The following SUMO4 variants were observed in gnomAD, a reference collection of about 807,000 sequenced individuals.
SUMO4 encodes small ubiquitin like modifier 4, also known as small ubiquitin-related modifier 4.
In SUMO4, 6 loss-of-function variants were observed where a neutral mutation model predicts 7.7. The ratio of observed to expected loss-of-function variants is 0.78; its 90% CI spans 0.43 to 1.53. The LOEUF (loss-of-function observed/expected upper bound fraction) is 1.53. SUMO4 is among the 40% of genes most tolerant of loss of function. The pLI, the probability that SUMO4 is intolerant of heterozygous loss-of-function variation, is 0.01. For synonymous variants in SUMO4, 43 were observed against 41.2 expected (o/e 1.04, Z -0.17); for missense variants, 113 against 113.6 (o/e 0.99, Z 0.03).
At position 149,401,014 on chromosome 6, in the gene SUMO4, T is replaced by G. The variant is rs533443687; in HGVS notation, c.*335T>G. On this transcript the variant is annotated 3_prime_UTR_variant, in exon 1 of 1. Transcript: ENST00000326669. ...TCATTCAGGTCTTATCTTTATATTC[T>G]AGTAAGTTATTTTGCTCTCACTGTT... 4.3e-6 allele frequency: 1 copy of G among 231,864 alleles called. No homozygotes were observed. Among genetic ancestry groups the G allele is most frequent in the South Asian group, 1.3e-4 (1 of 7,450 alleles). 14.4% of individuals were successfully genotyped at this position (231,864 alleles called of 1,614,324 possible).
Position 149,400,634 on chromosome 6 carries a change from A to G in SUMO4, c.243A>G (p.Glu81=). ...DKPAQLEMED[E]DTIDVFQQPT... The stretch of plus-strand genomic sequence containing the variant: ...CTGCACAGTTGGAAATGGAAGATGA[A>G]GATACAATTGATGTGTTTCAACAGC... The change falls in exon 1 of 1, where the codon GAA becomes GAG. Residue 81 remains glutamate, a synonymous_variant. Coordinates refer to ENST00000326669, the MANE Select transcript of SUMO4 (RefSeq NM_001002255.2). 1 of 1,614,250 alleles carries G rather than the reference A, an allele frequency of 6.2e-7. No individual in the cohort carries two copies. Among genetic ancestry groups the G allele is most frequent in the African/African-American group, 1.3e-5 (1 of 75,074 alleles).
Position 149,400,468 on chromosome 6 carries a change from A to G in SUMO4, c.77A>G (p.Asp26Gly). The change falls in exon 1 of 1, where the codon GAT becomes GGT. Residue 26 changes from aspartate to glycine, a missense_variant. Asp to Gly is a moderately conservative substitution (Grantham distance 94). Coordinates refer to ENST00000326669, the MANE Select transcript of SUMO4 (RefSeq NM_001002255.2). ...ATTAATTTGAAGGTGGCGGGACAGG[A>G]TGGTTCTGTGGTGCAGTTTAAGATT... ...NHINLKVAGQDGSVVQFKIKR... is the reference protein window; with the variant it reads ...NHINLKVAGQGGSVVQFKIKR... 1 of 1,614,246 alleles carries G rather than the reference A, an allele frequency of 6.2e-7. No individual in the cohort carries two copies. The highest frequency in any genetic ancestry group is 8.5e-7 in the Non-Finnish European group (1 of 1,180,046).
In SUMO4 at chr6:149,400,477, T is replaced by TG. The variant is rs765209229; in HGVS notation, c.88dup (p.Val30GlyfsTer4). On this transcript the variant is annotated frameshift_variant, in exon 1 of 1. Transcript: ENST00000326669. LOFTEE classifies it high-confidence loss of function. ...AAGGTGGCGGGACAGGATGGTTCTG[T>TG]GGTGCAGTTTAAGATTAAGAGGCAG... 2.5e-6 allele frequency: 4 copies of TG among 1,614,216 alleles called. No homozygotes were observed. The South Asian group carries it at 4.4e-5, about 18-fold the overall frequency.
At position 149,400,471 on chromosome 6, in the gene SUMO4, G is replaced by C; in HGVS notation, c.80G>C (p.Gly27Ala). Residue 27 changes from glycine to alanine, a missense_variant, in exon 1 of 1, where the codon GGT (glycine) becomes GCT (alanine). By Grantham distance (60) the Gly-to-Ala change is moderately conservative. Transcript: ENST00000326669. Reference sequence around the variant, plus strand: ...AATTTGAAGGTGGCGGGACAGGATGGTTCTGTGGTGCAGTTTAAGATTAAG... The same window carrying C: ...AATTTGAAGGTGGCGGGACAGGATGCTTCTGTGGTGCAGTTTAAGATTAAG... ...HINLKVAGQD[G>A]SVVQFKIKRQ... 1 of 1,614,240 alleles carries C rather than the reference G, an allele frequency of 6.2e-7. No homozygotes were observed. Among genetic ancestry groups the C allele is most frequent in the East Asian group, 2.2e-5 (1 of 44,886 alleles).
At position 149,400,765 on chromosome 6, in the gene SUMO4, T is replaced by C; in HGVS notation, c.*86T>C. The stretch of plus-strand genomic sequence containing the variant: ...CTCAATTAGAAAACTGCAATTTGGT[T>C]CCACCACATTCTGACTACTACAGTA... On this transcript the variant is annotated 3_prime_UTR_variant, in exon 1 of 1. Coordinates refer to ENST00000326669, the MANE Select transcript of SUMO4 (RefSeq NM_001002255.2). 3 of 1,417,590 alleles carry C rather than the reference T, an allele frequency of 2.1e-6. No individual in the cohort carries two copies. Among genetic ancestry groups the C allele is most frequent in the Non-Finnish European group, 2.9e-6 (3 of 1,032,932 alleles). 87.8% of individuals were successfully genotyped at this position (1,417,590 alleles called of 1,614,324 possible).
rs1583161653 is a variant in SUMO4, at chr6:149,400,766, C to G, written c.*87C>G. ...TCAATTAGAAAACTGCAATTTGGTT[C>G]CACCACATTCTGACTACTACAGTAT... On this transcript the variant is annotated 3_prime_UTR_variant, in exon 1 of 1. Transcript: ENST00000326669. The G allele has an allele frequency of 1.4e-6, 2 of 1,412,524 alleles. No individual in the cohort carries two copies. The highest frequency in any genetic ancestry group is 2.3e-5 in the East Asian group (1 of 43,948). The allele number at this position is 1,412,524 out of a possible 1,614,324, so 87.5% of individuals were successfully genotyped here.
At position 149,400,654 on chromosome 6, in the gene SUMO4, A is replaced by G. The variant is rs1782351660; in HGVS notation, c.263A>G (p.Gln88Arg). Residue 88 changes from glutamine (Q) to arginine (R), a missense_variant, in exon 1 of 1, where the codon CAA becomes CGA. By Grantham distance (43) the Gln-to-Arg change is conservative. Coordinates refer to ENST00000326669, the MANE Select transcript of SUMO4 (RefSeq NM_001002255.2). Reference sequence around the variant, plus strand: ...GATGAAGATACAATTGATGTGTTTCAACAGCCTACGGGAGGTGTCTACTGA... The same window carrying G: ...GATGAAGATACAATTGATGTGTTTCGACAGCCTACGGGAGGTGTCTACTGA... ...MEDEDTIDVF[Q>R]QPTGGVY The G allele has an allele frequency of 6.2e-7, 1 of 1,614,210 alleles. No individual in the cohort carries two copies. Among genetic ancestry groups the G allele is most frequent in the East Asian group, 2.2e-5 (1 of 44,892 alleles).
rs1562454592 is a variant in SUMO4, at chr6:149,400,840, A to G, written c.*161A>G. On this transcript the variant is annotated 3_prime_UTR_variant, in exon 1 of 1. Transcript: ENST00000326669. ...CCCCTTCCACATTCTTTTATTATAC[A>G]TGAAGTAACTGGTATGTGTACACAA... 1.0e-5 allele frequency: 8 copies of G among 764,750 alleles called. No individual in the cohort carries two copies. Among genetic ancestry groups the G allele is most frequent in the Non-Finnish European group, 1.7e-5 (8 of 474,996 alleles). 47.4% of individuals were successfully genotyped at this position (764,750 alleles called of 1,614,324 possible).
At position 149,400,730 on chromosome 6, in the gene SUMO4, T is replaced by C. The variant is rs1782356653; in HGVS notation, c.*51T>C. The C allele has an allele frequency of 1.3e-6, 2 of 1,573,706 alleles. No individual in the cohort carries two copies. The highest frequency in any genetic ancestry group is 4.5e-5 in the East Asian group (2 of 44,722). On this transcript the variant is annotated 3_prime_UTR_variant, in exon 1 of 1. Transcript: ENST00000326669. Reference sequence around the variant, plus strand: ...GAACGCTGTTCTTTAAAGACCAAGATTACTGCATTCTCAATTAGAAAACTG... The same window carrying C: ...GAACGCTGTTCTTTAAAGACCAAGACTACTGCATTCTCAATTAGAAAACTG...
Position 149,400,542 on chromosome 6 carries a change from C to T in SUMO4, c.151C>T (p.Arg51Trp), listed in dbSNP as rs569573383. The change falls in exon 1 of 1, where the codon CGG becomes TGG. Residue 51 changes from arginine to tryptophan, a missense_variant. Coordinates refer to ENST00000326669, the MANE Select transcript of SUMO4 (RefSeq NM_001002255.2). ...ACTAATGAAAGCCTATTGTGAACCA[C>T]GGGGATTGTCAGTGAAGCAGATCAG... is the stretch of plus-strand genomic sequence containing the variant. ...SKLMKAYCEP[R>W]GLSVKQIRFR... 1.7e-5 allele frequency: 27 copies of T among 1,614,170 alleles called. No homozygotes were observed. The South Asian group carries it at 2.0e-4, about 12-fold the overall frequency.
Position 149,400,531 on chromosome 6 carries a change from A to C in SUMO4, c.140A>C (p.Tyr47Ser). ...CCACTTAGTAAACTAATGAAAGCCTATTGTGAACCACGGGGATTGTCAGTG... is the reference window on the plus strand; with the variant it reads ...CCACTTAGTAAACTAATGAAAGCCTCTTGTGAACCACGGGGATTGTCAGTG... ...QTPLSKLMKA[Y>S]CEPRGLSVKQ... The change falls in exon 1 of 1, where the codon TAT becomes TCT. Residue 47 changes from tyrosine to serine, a missense_variant. By Grantham distance (144) the Tyr-to-Ser change is moderately radical. Transcript: ENST00000326669. 1 of 1,614,268 alleles carries C rather than the reference A, an allele frequency of 6.2e-7. No individual in the cohort carries two copies. The highest frequency in any genetic ancestry group is 8.5e-7 in the Non-Finnish European group (1 of 1,180,050).
Position 149,400,411 on chromosome 6 carries a change from C to T in SUMO4, c.20C>T (p.Thr7Ile). The change falls in exon 1 of 1, where the codon ACA becomes ATA. Residue 7 changes from threonine (T) to isoleucine (I), a missense_variant. Coordinates refer to ENST00000326669, the MANE Select transcript of SUMO4 (RefSeq NM_001002255.2). The part of the protein sequence containing the change: MANEKP[T>I]EEVKTENNNH... ...TTCACCATGGCCAACGAAAAGCCCA[C>T]AGAAGAAGTCAAGACTGAGAACAAC... is the stretch of plus-strand genomic sequence containing the variant. The T allele has an allele frequency of 2.5e-6, 4 of 1,614,170 alleles. No individual in the cohort carries two copies. The highest frequency in any genetic ancestry group is 1.3e-5 in the African/African-American group (1 of 75,070).
In SUMO4 at chr6:149,400,547, A is replaced by G. The variant is rs778430270; in HGVS notation, c.156A>G (p.Gly52=). ...TGAAAGCCTATTGTGAACCACGGGG[A>G]TTGTCAGTGAAGCAGATCAGATTCC... ...KLMKAYCEPR[G]LSVKQIRFRF... The change falls in exon 1 of 1, where the codon GGA becomes GGG. Residue 52 remains glycine, a synonymous_variant. Transcript: ENST00000326669. 1 of 1,614,220 alleles carries G rather than the reference A, an allele frequency of 6.2e-7. No homozygotes were observed. The highest frequency in any genetic ancestry group is 1.3e-5 in the African/African-American group (1 of 75,056).
Position 149,400,617 on chromosome 6 carries a change from T to C in SUMO4, c.226T>C (p.Leu76=). 5 of 1,614,172 alleles carry C rather than the reference T, an allele frequency of 3.1e-6. No homozygotes were observed. The highest frequency in any genetic ancestry group is 2.2e-5 in the East Asian group (1 of 44,888). Residue 76 remains leucine (L), a synonymous_variant, in exon 1 of 1, where the codon TTG becomes CTG. Coordinates refer to ENST00000326669, the MANE Select transcript of SUMO4 (RefSeq NM_001002255.2). ...CAGTGGAACAGACAAACCTGCACAG[T>C]TGGAAATGGAAGATGAAGATACAAT... ...PISGTDKPAQ[L]EMEDEDTIDV...
chr6:149,400,325 T>C lies in SUMO4; in HGVS notation c.-67T>C. 15 of 1,540,466 alleles carry C rather than the reference T, an allele frequency of 9.7e-6. No individual in the cohort carries two copies. Among genetic ancestry groups the C allele is most frequent in the Non-Finnish European group, 1.2e-5 (14 of 1,135,728 alleles). On this transcript the variant is annotated 5_prime_UTR_variant, in exon 1 of 1. Coordinates refer to ENST00000326669, the MANE Select transcript of SUMO4 (RefSeq NM_001002255.2). The stretch of plus-strand genomic sequence containing the variant: ...CCTGCTGCTCTTCCTGCTGCTCGTG[T>C]ACTCGTTAGGTGCGGACCCGCCACC...
In SUMO4 at chr6:149,400,820, TC is replaced by T; in HGVS notation, c.*143del. 1 of 959,788 alleles carries T rather than the reference TC, an allele frequency of 1.0e-6. No homozygotes were observed. The highest frequency in any genetic ancestry group is 1.5e-6 in the Non-Finnish European group (1 of 647,140). The allele number at this position is 959,788 out of a possible 1,614,324, so 59.5% of individuals were successfully genotyped here. On this transcript the variant is annotated 3_prime_UTR_variant, in exon 1 of 1. Coordinates refer to ENST00000326669, the MANE Select transcript of SUMO4 (RefSeq NM_001002255.2). ...TTTCTCTATTCTTTTGTTTCCCCCT[TC>T]CACATTCTTTTATTATACATGAAGT...
chr6:149,400,792 A>G lies in SUMO4; in HGVS notation c.*113A>G. 1 of 1,157,960 alleles carries G rather than the reference A, an allele frequency of 8.6e-7. No individual in the cohort carries two copies. 71.7% of individuals were successfully genotyped at this position (1,157,960 alleles called of 1,614,324 possible). A position where few individuals can be genotyped will look rare whatever the true frequency, so the allele number is the denominator to read the frequency against. On this transcript the variant is annotated 3_prime_UTR_variant, in exon 1 of 1. Coordinates refer to ENST00000326669, the MANE Select transcript of SUMO4 (RefSeq NM_001002255.2). The stretch of plus-strand genomic sequence containing the variant: ...CACCACATTCTGACTACTACAGTAT[A>G]GTTTTCTCTATTCTTTTGTTTCCCC...
chr6:149,400,889 C>G lies in SUMO4; in HGVS notation c.*210C>G. ...AAGCATATTGCTTTTTTCTTCAAAC[C>G]AAACAGCCAATGGTATGTTTTGATT... is the stretch of plus-strand genomic sequence containing the variant. On this transcript the variant is annotated 3_prime_UTR_variant, in exon 1 of 1. Transcript: ENST00000326669. The G allele has an allele frequency of 1.7e-6, 1 of 574,936 alleles. No homozygotes were observed. The highest frequency in any genetic ancestry group is 3.0e-6 in the Non-Finnish European group (1 of 328,590). 35.6% of individuals were successfully genotyped at this position (574,936 alleles called of 1,614,324 possible).
rs1221230420 is a variant in SUMO4, at chr6:149,401,181, T to C, written c.*502T>C. 1 of 167,008 alleles carries C rather than the reference T, an allele frequency of 6.0e-6. No homozygotes were observed. Among genetic ancestry groups the C allele is most frequent in the Non-Finnish European group, 1.5e-5 (1 of 68,172 alleles). The allele number at this position is 167,008 out of a possible 1,614,324, so 10.3% of individuals were successfully genotyped here. On this transcript the variant is annotated 3_prime_UTR_variant, in exon 1 of 1. Transcript: ENST00000326669. ...ACATGTAGGGCAATCTGTCTTTAAG[T>C]AGGGATAAATTACTCTAAAAAAAAA...
Sources: gnomAD v4.1 joint callset for allele counts on GRCh38, gnomAD v4.1.1 for gene constraint, MANE v1.5 for transcripts, NCBI Gene and HGNC (gene_info 2026-07-23, HGNC 2026-07-21) for gene names.